Variants in NKAIN3 observed in about 807,000 individuals in gnomAD.
NKAIN3 encodes sodium/potassium transporting ATPase interacting 3.
A neutral mutation model predicts 30.2 loss-of-function variants in NKAIN3; 25 were observed. The ratio of observed to expected loss-of-function variants is 0.83; its 90% CI spans 0.60 to 1.16. The LOEUF (loss-of-function observed/expected upper bound fraction) is 1.16, where lower values mean the gene tolerates loss of function less well. NKAIN3 is among the 50% of genes most tolerant of loss of function. The probability of loss-of-function intolerance (pLI) is 0.00; values close to 1 mark genes in which losing one functional copy is unlikely to be tolerated. For missense variants in NKAIN3, 225 were observed against 254.1 expected, an observed-to-expected ratio of 0.89 and a Z score of 0.78; for synonymous variants, 91 against 89.6, an observed-to-expected ratio of 1.02 and a Z score of -0.09.
At chr8:62,360,769 A>G (rs1193885905) in intron 1 of NKAIN3, among the ~76,000 whole-genome samples, 6 of 151,970 alleles carry the variant, frequency 3.9e-5, no homozygotes, top group Admixed American at 2.6e-4. Flanking sequence ...CTCTTTGACA[A>G]TCTCTAAGAA....
At chr8:62,251,830 A>T (rs975283805) in intron 1 of NKAIN3, among the ~76,000 whole-genome samples, 1 of 152,226 alleles carries the variant, frequency 6.6e-6, no homozygotes, top group East Asian at 1.9e-4. Flanking sequence ...TACTTTATAT[A>T]GCATTTCCGT....
chr8:62,583,242 C>T (rs751677603), intron 2 of NKAIN3, among the ~76,000 whole-genome samples: 2 of 152,112 alleles, frequency 1.3e-5, no homozygotes, highest in Non-Finnish European at 2.9e-5. Context: ...TGTCACTTCT[C>T]TGCTGGTACT....
intron 1 of NKAIN3, among the ~76,000 whole-genome samples, chr8:62,496,342 T>C (rs1807237366): frequency 6.6e-6 from 1 of 152,094 alleles, no homozygotes; most frequent in Non-Finnish European, 1.5e-5. Context: ...GTTGCATGCT[T>C]TTATAACTCC....
chr8:62,455,709 A>G (rs986085400), intron 1 of NKAIN3, among the ~76,000 whole-genome samples: 2 of 152,246 alleles, frequency 1.3e-5, no homozygotes, highest in Non-Finnish European at 2.9e-5. Flanking sequence ...TATGTTTGAA[A>G]ATGTTCAAGA....
At chr8:62,291,254 C>G (rs2129587124) in intron 1 of NKAIN3, among the ~76,000 whole-genome samples, 1 of 152,228 alleles carries the variant, frequency 6.6e-6, no homozygotes, top group South Asian at 2.1e-4. Context: ...CTGCTCTGAT[C>G]TTAGTTATTT....
rs977378474 is a variant in NKAIN3 at position 62,446,199 on chromosome 8, G to A, written c.55-133340G>A. On this transcript the variant is annotated intron_variant, in intron 1 of 6. Transcript: ENST00000623646. ...GATAAGTCAGCTAATTGAAGTTTAT[G>A]TGGAGTGGTTGTAGAGTCTTCCTCA... 5.9e-5 allele frequency among the ~76,000 whole-genome samples: 9 copies of A among 152,252 alleles called. No individual in the cohort carries two copies. In the South Asian group the frequency reaches 1.7e-3, roughly 28 times the overall value.
intron 3 of NKAIN3, among the ~76,000 whole-genome samples, chr8:62,670,980 C>T (rs571857662): frequency 9.4e-4 from 143 of 151,850 alleles, no homozygotes; most frequent in African/African-American, 3.4e-3. Context: ...TGAACATTTA[C>T]AGTGAACTTG....
intron 1 of NKAIN3, among the ~76,000 whole-genome samples, chr8:62,262,983 TATTA>T (rs1812491372): frequency 1.3e-5 from 2 of 152,144 alleles, no homozygotes; most frequent in Non-Finnish European, 2.9e-5. Flanking sequence ...AAGTGAAGCA[TATTA>T]ATTGTCTTAG....
chr8:62,346,161 A>C (rs1239199270), intron 1 of NKAIN3, among the ~76,000 whole-genome samples: 1 of 152,112 alleles, frequency 6.6e-6, no homozygotes, highest in Non-Finnish European at 1.5e-5. Context: ...TCTATTACCC[A>C]GTAGGGTCAA....
chr8:62,728,200 T>C (rs946690661), intron 3 of NKAIN3, among the ~76,000 whole-genome samples: 4 of 152,120 alleles, frequency 2.6e-5, no homozygotes, highest in East Asian at 1.9e-4. Flanking sequence ...CAAAACTATA[T>C]ACTCCTAGAT....
At chr8:62,492,021 C>T (rs1807081242) in intron 1 of NKAIN3, among the ~76,000 whole-genome samples, 1 of 152,030 alleles carries the variant, frequency 6.6e-6, no homozygotes, top group South Asian at 2.1e-4. Context: ...TGAGGAATCA[C>T]CAATAACCTT....
intron 4 of NKAIN3, among the ~76,000 whole-genome samples, chr8:62,750,747 G>T (rs1167934039): frequency 6.6e-6 from 1 of 152,084 alleles, no homozygotes; most frequent in African/African-American, 2.4e-5. Context: ...AAATCAGCGC[G>T]GAATCCATAG....
intron 1 of NKAIN3, among the ~76,000 whole-genome samples, chr8:62,302,147 A>G (rs554272441): frequency 6.6e-6 from 1 of 152,186 alleles, no homozygotes; most frequent in South Asian, 2.1e-4. Context: ...CTATTCATGG[A>G]GTCATGACTT....
chr8:62,897,330 T>C (rs1821458410), intron 4 of NKAIN3, among the ~76,000 whole-genome samples: 1 of 151,964 alleles, frequency 6.6e-6, no homozygotes, highest in Admixed American at 6.6e-5. Context: ...CAAAGATTTG[T>C]ATTGTAAGAA....
intron 1 of NKAIN3, among the ~76,000 whole-genome samples, chr8:62,418,567 C>T (rs1035512515): frequency 1.3e-5 from 2 of 152,104 alleles, no homozygotes; most frequent in Non-Finnish European, 2.9e-5. Context: ...GTCTAGATTC[C>T]CTTCACCCTT....
intron 3 of NKAIN3, among the ~76,000 whole-genome samples, chr8:62,629,752 G>T (rs948579900): frequency 6.6e-6 from 1 of 152,050 alleles, no homozygotes; most frequent in African/African-American, 2.4e-5. Context: ...GAATTTTGGG[G>T]TAACATATGC....
At chr8:62,840,935 T>C (rs1288816268) in intron 4 of NKAIN3, among the ~76,000 whole-genome samples, 3 of 152,072 alleles carry the variant, frequency 2.0e-5, no homozygotes, top group Non-Finnish European at 2.9e-5. Flanking sequence ...TTTTGCACAC[T>C]TTTGCATTTT....
In NKAIN3 at chr8:62,804,280, T is replaced by C. The variant is rs755875142; in HGVS notation, c.471+57151T>C. 6.8e-4 allele frequency among the ~76,000 whole-genome samples: 103 copies of C among 152,280 alleles called. 1 individual carries two copies. The highest frequency in any genetic ancestry group is 6.8e-3 in the Middle Eastern group (2 of 294). On this transcript the variant is annotated intron_variant, in intron 4 of 6. Coordinates refer to ENST00000623646, the MANE Select transcript of NKAIN3 (RefSeq NM_001304533.3). The stretch of plus-strand genomic sequence containing the variant: ...TCATTTTATGAGGCCAGCATCATCC[T>C]GATACCAAAGCCAGGCAGAGACACA...
chr8:62,896,462 T>C (rs565434183), intron 4 of NKAIN3, among the ~76,000 whole-genome samples: 3 of 152,252 alleles, frequency 2.0e-5, no homozygotes, highest in Admixed American at 1.3e-4. Context: ...TCAAAGTCTC[T>C]TTTAGAGTCA....
Sources: allele counts gnomAD v4.1 joint callset (sites outside exome capture counted in the v4.1 genomes callset), GRCh38; gene constraint gnomAD v4.1.1; transcripts MANE v1.5; gene names NCBI Gene and HGNC (gene_info 2026-07-23, HGNC 2026-07-21).